Variants in TCEA2 observed in about 807,000 individuals in gnomAD.
The protein encoded by TCEA2 is transcription elongation factor A protein 2.
In TCEA2, 21 loss-of-function variants were observed where a neutral mutation model predicts 40.8. The observed-to-expected ratio is 0.51, with a 90% confidence interval of 0.36 to 0.74. The LOEUF is 0.74. Among genes scored for constraint, TCEA2 ranks in the 30% least tolerant of loss-of-function variants. TCEA2 has a pLI of 0.00. For missense variants in TCEA2, 326 were observed against 426.5 expected (o/e 0.76, Z 2.08); for synonymous variants, 165 against 162.7 (o/e 1.01, Z -0.11).
At chr20:64,066,865 C>T (rs1313012394) in intron 2 of TCEA2, 50 bp from the exon 3 acceptor site, 1 of 1,564,256 alleles carries the variant, frequency 6.4e-7, no homozygotes, top group Admixed American at 1.7e-5. Context: ...GAGAATCTGA[C>T]CCCTAGGGTG....
chr20:64,062,147 C>A (rs1287147823), upstream of TCEA2, among the ~76,000 whole-genome samples: 1 of 152,236 alleles, frequency 6.6e-6, no homozygotes, highest in East Asian at 1.9e-4. Flanking sequence ...CCACCTGCCA[C>A]CTGGCCTCAT....
At chr20:64,063,735 TC>T in intron 1 of TCEA2, 1 of 275,380 alleles carries the variant, frequency 3.6e-6, no homozygotes, top group Non-Finnish European at 6.9e-6. Flanking sequence ...GTCGACTCCT[TC>T]CTTGGCCCTG....
At position 64,066,515 on chromosome 20, in the gene TCEA2, C is replaced by G; in HGVS notation, c.112C>G (p.Pro38Ala). Residue 38 changes from proline (P) to alanine (A), a missense_variant, in exon 2 of 10, where the codon CCT (proline) becomes GCT (alanine). By Grantham distance (27) the Pro-to-Ala change is conservative. Coordinates refer to ENST00000343484, the MANE Select transcript of TCEA2 (RefSeq NM_003195.6). ...TTTGCTGCGGGAGCTGAAGGCCATG[C>G]CTATCACGCTGCACCTGCTCCAGGT... ...MDLLRELKAM[P>A]ITLHLLQSTR... is the part of the protein sequence containing the mutation. 2.5e-6 allele frequency: 4 copies of G among 1,613,868 alleles called. No homozygotes were observed. The highest frequency in any genetic ancestry group is 3.4e-6 in the Non-Finnish European group (4 of 1,179,882).
At chr20:64,063,462 G>T in intron 1 of TCEA2, 78 bp downstream of exon 1, 1 of 1,473,404 alleles carries the variant, frequency 6.8e-7, no homozygotes. Flanking sequence ...CCCCGTTAGG[G>T]CCGGAAGACG....
intron 4 of TCEA2, 137 bp from the exon 5 acceptor site, chr20:64,069,224 T>C: frequency 1.5e-6 from 2 of 1,320,208 alleles, no homozygotes; most frequent in Non-Finnish European, 2.0e-6. Context: ...CACAGGCCAC[T>C]GTTGGACTCT....
At chr20:64,064,860 C>G (rs913331978) in intron 1 of TCEA2, among the ~76,000 whole-genome samples, 4 of 150,242 alleles carry the variant, frequency 2.7e-5, no homozygotes, top group Non-Finnish European at 5.9e-5. Context: ...AGAGATGACC[C>G]GAGAATGGAG....
chr20:64,067,038 C>T lies in TCEA2; in HGVS notation c.241+18C>T, dbSNP rs752074860. On this transcript the variant is annotated intron_variant, in intron 3 of 9. Coordinates refer to ENST00000343484, the MANE Select transcript of TCEA2 (RefSeq NM_003195.6). ...GCTCCTGGGTGCGGCTCAGGCGGTGCCCACTGAGTGCTGGGGCAGGGGTCC... is the reference window on the plus strand; with the variant it reads ...GCTCCTGGGTGCGGCTCAGGCGGTGTCCACTGAGTGCTGGGGCAGGGGTCC... 3 of 1,599,972 alleles carry T rather than the reference C, an allele frequency of 1.9e-6. No individual in the cohort carries two copies. The African/African-American group carries it at 4.0e-5, about 21-fold the overall frequency.
At chr20:64,067,146 A>G in intron 3 of TCEA2, 126 bp downstream of exon 3, 1 of 952,154 alleles carries the variant, frequency 1.1e-6, no homozygotes, top group Admixed American at 2.1e-5. Flanking sequence ...GGAGTGGGGC[A>G]GTGGCAAACC....
At chr20:64,068,645 G>A (rs1397006841) in intron 4 of TCEA2, among the ~76,000 whole-genome samples, 6 of 152,278 alleles carry the variant, frequency 3.9e-5, no homozygotes, top group South Asian at 2.1e-4. Flanking sequence ...GCAGGCTATA[G>A]CCGAGAGATG....
upstream of TCEA2, chr20:64,057,171 G>T (rs116803262): frequency 1.8e-4 from 28 of 152,368 alleles, no homozygotes; most frequent in African/African-American, 6.7e-4. Context: ...CCACCTGCAC[G>T]TCATGTGGCT....
At chr20:64,061,451 A>AT (rs1202849666), upstream of TCEA2, among the ~76,000 whole-genome samples, 1 of 151,768 alleles carries the variant, frequency 6.6e-6, no homozygotes, top group Non-Finnish European at 1.5e-5. Context: ...AATTTTTTGT[A>AT]TTTTTAGTAG....
upstream of TCEA2, among the ~76,000 whole-genome samples, chr20:64,056,052 G>A (rs1297377321): frequency 6.6e-6 from 1 of 152,016 alleles, no homozygotes; most frequent in Non-Finnish European, 1.5e-5. Flanking sequence ...TTGTGTGGGG[G>A]AAGTGCATTG....
chr20:64,070,669 G>C, intron 8 of TCEA2, 34 bp downstream of exon 8: 6 of 1,507,458 alleles, frequency 4.0e-6, no homozygotes, highest in Non-Finnish European at 5.3e-6. Context: ...CCCCGGGCCC[G>C]GTGTCTTCAG....
chr20:64,071,329 C>T (rs2059827093), intron 8 of TCEA2, among the ~76,000 whole-genome samples: 1 of 150,376 alleles, frequency 6.6e-6, no homozygotes, highest in Admixed American at 6.6e-5. Context: ...GCCTGGGCGA[C>T]AGAGCGAGAC....
At chr20:64,070,123 G>C (rs550379235) in intron 6 of TCEA2, 137 bp from the exon 7 acceptor site, 9 of 1,303,868 alleles carry the variant, frequency 6.9e-6, no homozygotes, top group Admixed American at 1.9e-5. Flanking sequence ...TCTCCACCAG[G>C]TGTGGGTGGG....
chr20:64,063,592 G>T, intron 1 of TCEA2: 1 of 610,110 alleles, frequency 1.6e-6, no homozygotes, highest in East Asian at 3.0e-5. Context: ...CCGCAACCCC[G>T]GCAGAGGCCG....
upstream of TCEA2, among the ~76,000 whole-genome samples, chr20:64,056,005 C>T (rs2145424975): frequency 6.6e-6 from 1 of 152,168 alleles, no homozygotes; most frequent in South Asian, 2.1e-4. Flanking sequence ...GGAGTGGCCG[C>T]CAGGCTGGCG....
chr20:64,060,838 G>A (rs1232632944), upstream of TCEA2, among the ~76,000 whole-genome samples: 2 of 151,844 alleles, frequency 1.3e-5, no homozygotes, highest in African/African-American at 4.8e-5. Flanking sequence ...TTGCCAGGCT[G>A]GAGTGCAGTG....
intron 6 of TCEA2, 200 bp downstream of exon 6, chr20:64,070,021 T>G: frequency 1.1e-6 from 1 of 875,574 alleles, no homozygotes; most frequent in South Asian, 1.4e-5. Flanking sequence ...TTCTGTCTGC[T>G]TGTGGGGCCT....
Sources: allele counts gnomAD v4.1 joint callset (sites outside exome capture counted in the v4.1 genomes callset), GRCh38; gene constraint gnomAD v4.1.1; transcripts MANE v1.5; gene names NCBI Gene and HGNC (gene_info 2026-07-23, HGNC 2026-07-21).